Variants in GRHL2 observed in about 807,000 individuals in gnomAD.
GRHL2 encodes grainyhead-like protein 2 homolog.
GRHL2 carries 21 observed loss-of-function variants against 83.8 expected under a neutral mutation model. That is an observed-to-expected ratio of 0.25 (90% CI 0.18 to 0.36). The LOEUF is 0.36. GRHL2 is among the 10% of genes least tolerant of loss of function. The pLI, the probability that GRHL2 is intolerant of heterozygous loss-of-function variation, is 1.00. For synonymous variants in GRHL2, 280 were observed against 278.9 expected (o/e 1.00, Z -0.04); for missense variants, 623 against 781.8 (o/e 0.80, Z 2.42).
intron 7 of GRHL2, among the ~76,000 whole-genome samples, chr8:101,590,455 A>T (rs1451215574): frequency 2.6e-5 from 4 of 152,174 alleles, no homozygotes; most frequent in Admixed American, 2.6e-4. Context: ...GACAGGGAGA[A>T]GTGGATGTTT....
intron 1 of GRHL2, among the ~76,000 whole-genome samples, chr8:101,533,579 T>C (rs930760408): frequency 6.6e-6 from 1 of 152,148 alleles, no homozygotes; most frequent in African/African-American, 2.4e-5. Flanking sequence ...AGTTACATTG[T>C]GTTTAAGGAG....
chr8:101,566,659 T>A, intron 4 of GRHL2, among the ~76,000 whole-genome samples: 1 of 150,408 alleles, frequency 6.6e-6, no homozygotes, highest in Non-Finnish European at 1.5e-5. Flanking sequence ...TGATTTTTTT[T>A]ACTTATCCCA....
intron 2 of GRHL2, among the ~76,000 whole-genome samples, chr8:101,549,561 T>G (rs1811336204): frequency 6.6e-6 from 1 of 152,100 alleles, no homozygotes; most frequent in Non-Finnish European, 1.5e-5. Context: ...GCCACCTGGT[T>G]GGAAGGGGAG....
the GRHL2 span, among the ~76,000 whole-genome samples, chr8:101,675,554 A>T: frequency 1.3e-5 from 2 of 152,020 alleles, no homozygotes; most frequent in Non-Finnish European, 2.9e-5. Flanking sequence ...TCAAGGAAAT[A>T]AAAGAGGATA....
chr8:101,507,540 A>G (rs1810364849), intron 1 of GRHL2, among the ~76,000 whole-genome samples: 1 of 152,158 alleles, frequency 6.6e-6, no homozygotes, highest in African/African-American at 2.4e-5. Flanking sequence ...CTGTGCATGT[A>G]TATACAATTA....
intron 12 of GRHL2, among the ~76,000 whole-genome samples, chr8:101,637,833 G>T (rs766530352): frequency 3.9e-5 from 6 of 152,116 alleles, no homozygotes; most frequent in Non-Finnish European, 1.5e-5. Flanking sequence ...CTGCTCTCTG[G>T]ATAAGTCTCA....
chr8:101,554,020 C>T (rs1293683002), intron 3 of GRHL2, among the ~76,000 whole-genome samples: 1 of 152,190 alleles, frequency 6.6e-6, no homozygotes. Context: ...ATTGGAGGTT[C>T]TTCCATATGG....
intron 8 of GRHL2, among the ~76,000 whole-genome samples, chr8:101,602,013 TTCC>T (rs1812526010): frequency 6.6e-6 from 1 of 152,170 alleles, no homozygotes; most frequent in Non-Finnish European, 1.5e-5. Flanking sequence ...GTGCGTAATG[TTCC>T]TCCTCTGTGT....
At chr8:101,544,056 T>G (rs1286290557) in intron 2 of GRHL2, 1 of 155,942 alleles carries the variant, frequency 6.4e-6, no homozygotes, top group African/African-American at 2.4e-5. Context: ...TCAAATTATC[T>G]GCCACAGTGT....
chr8:101,681,105 A>G, the GRHL2 span, among the ~76,000 whole-genome samples: 3 of 148,558 alleles, frequency 2.0e-5, no homozygotes, highest in African/African-American at 7.6e-5. Context: ...ATAGAGACAC[A>G]AAAAACCCTT....
At chr8:101,513,788 G>A (rs1320328834) in intron 1 of GRHL2, among the ~76,000 whole-genome samples, 3 of 151,970 alleles carry the variant, frequency 2.0e-5, no homozygotes, top group South Asian at 2.1e-4. Flanking sequence ...GAGCTATCGC[G>A]CCTGGCCATT....
At chr8:101,497,009 G>A (rs748068823) in intron 1 of GRHL2, among the ~76,000 whole-genome samples, 3 of 152,168 alleles carry the variant, frequency 2.0e-5, no homozygotes, top group Non-Finnish European at 4.4e-5. Flanking sequence ...TCTTGTAAGT[G>A]GTCTTGGTAA....
At chr8:101,628,587 T>C (rs973039267) in intron 9 of GRHL2, among the ~76,000 whole-genome samples, 3 of 152,138 alleles carry the variant, frequency 2.0e-5, no homozygotes, top group African/African-American at 4.8e-5. Flanking sequence ...TTAAGAAATA[T>C]GTTTTGTAAG....
chr8:101,521,757 C>A (rs570262750), intron 1 of GRHL2, among the ~76,000 whole-genome samples: 1 of 152,080 alleles, frequency 6.6e-6, no homozygotes, highest in African/African-American at 2.4e-5. Context: ...GACTTATATA[C>A]CTAGGGATTA....
chr8:101,514,408 G>C (rs1191588061), intron 1 of GRHL2, among the ~76,000 whole-genome samples: 1 of 152,218 alleles, frequency 6.6e-6, no homozygotes, highest in East Asian at 1.9e-4. Flanking sequence ...TGAGGGAATG[G>C]AGTAGGGGAG....
intron 9 of GRHL2, among the ~76,000 whole-genome samples, chr8:101,623,712 C>T (rs1586152222): frequency 6.6e-6 from 1 of 150,858 alleles, no homozygotes; most frequent in African/African-American, 2.4e-5. Context: ...CACAGTAGGA[C>T]AGTTTACAGT....
At chr8:101,601,174 AC>A (rs1428954831) in intron 8 of GRHL2, among the ~76,000 whole-genome samples, 3 of 111,658 alleles carry the variant, frequency 2.7e-5, no homozygotes, top group African/African-American at 1.1e-4. Context: ...ACACACACAC[AC>A]ACACACACAC....
In GRHL2 at chr8:101,667,051, G is replaced by GAAAC. The variant is rs1349523582; in HGVS notation, c.*350_*353dup. ...ACCGTCCAGCGTTCCCCCTTCAAGAGAAACACTCATCCCGAACAGCCTAAA... is the reference window on the plus strand; with the variant it reads ...ACCGTCCAGCGTTCCCCCTTCAAGAGAAACAAACACTCATCCCGAACAGCCTAAA... On this transcript the variant is annotated 3_prime_UTR_variant, in exon 16 of 16. Transcript: ENST00000646743. 1 of 375,704 alleles carries GAAAC rather than the reference G, an allele frequency of 2.7e-6. No homozygotes were observed. Among genetic ancestry groups the GAAAC allele is most frequent in the Non-Finnish European group, 5.0e-6 (1 of 199,186 alleles). The allele number at this position is 375,704 out of a possible 1,614,324, so 23.3% of individuals were successfully genotyped here.
chr8:101,638,188 A>G (rs1232487109), intron 12 of GRHL2, among the ~76,000 whole-genome samples: 2 of 152,184 alleles, frequency 1.3e-5, no homozygotes, highest in African/African-American at 4.8e-5. Flanking sequence ...GGGCTTCCCT[A>G]TTCTTATATA....
Sources: allele counts gnomAD v4.1 joint callset (sites outside exome capture counted in the v4.1 genomes callset), GRCh38; gene constraint gnomAD v4.1.1; transcripts MANE v1.5; gene names NCBI Gene and HGNC (gene_info 2026-07-23, HGNC 2026-07-21).